Variants in PLPP6 observed in about 807,000 individuals in gnomAD.
The protein encoded by PLPP6 is polyisoprenoid diphosphate/phosphate phosphohydrolase PLPP6.
PLPP6 carries 16 observed loss-of-function variants against 16.5 expected under a neutral mutation model. The observed-to-expected ratio is 0.97, with a 90% CI of 0.66 to 1.47. The LOEUF (loss-of-function observed/expected upper bound fraction) is 1.47. Among genes scored for constraint, PLPP6 ranks in the 40% most tolerant of loss-of-function variants. The probability of loss-of-function intolerance (pLI) is 0.00; values close to 1 mark genes in which losing one functional copy is unlikely to be tolerated. For synonymous variants in PLPP6, 226 were observed against 188.1 expected (o/e 1.20, Z -1.65); for missense variants, 512 against 396.6 (o/e 1.29, Z -2.47).
Position 4,662,525 on chromosome 9 carries a change from CGT to C in PLPP6, c.152_153del (p.Val51GlyfsTer233). The C allele has an allele frequency of 6.4e-7, 1 of 1,565,014 alleles. No homozygotes were observed. The highest frequency in any genetic ancestry group is 8.6e-7 in the Non-Finnish European group (1 of 1,164,900). ...CCCTGCTCAGCAGCCGCGCCACGGC[CGT>C]GGACCCCACCTGCGCCCGGCTCCGT... Reference protein sequence around the residue: ...QSLLSSRATAVDPTCARLRAS... With the variant: ...QSLLSSRATAXDPTCARLRAS... On this transcript the variant is annotated frameshift_variant, in exon 1 of 1. Transcript: ENST00000381883. LOFTEE classifies it high-confidence loss of function. This position sits in a 1 kb window ranked among gnomAD's most constrained non-coding sequence, Gnocchi z 4.9.
rs371424929 is a variant in PLPP6 at position 4,662,606 on chromosome 9, C to G, written c.231C>G (p.Gly77=). Residue 77 remains glycine (G), a synonymous_variant, in exon 1 of 1, where the codon GGC becomes GGG. Transcript: ENST00000381883. This position sits in a 1 kb window ranked among gnomAD's most constrained non-coding sequence, Gnocchi z 4.9. ...RRGSFPLAAA[G]PSQSPAPPLP... is the part of the protein sequence containing the mutation. ...GCTCCTTCCCCCTGGCCGCGGCGGG[C>G]CCCTCGCAGTCGCCCGCGCCTCCGC... 375 of 1,594,582 alleles carry G rather than the reference C, an allele frequency of 2.4e-4. 1 individual carries two copies. Among genetic ancestry groups the G allele is most frequent in the Non-Finnish European group, 3.1e-4 (364 of 1,177,864 alleles).
At position 4,662,636 on chromosome 9, in the gene PLPP6, C is replaced by T. The variant is rs780197789; in HGVS notation, c.261C>T (p.Pro87=). 4.4e-6 allele frequency: 7 copies of T among 1,598,360 alleles called. 1 individual carries two copies. Among genetic ancestry groups the T allele is most frequent in the South Asian group, 3.3e-5 (3 of 90,968 alleles). The change falls in exon 1 of 1, where the codon CCC becomes CCT. Residue 87 remains proline (P), a synonymous_variant. Coordinates refer to ENST00000381883, the MANE Select transcript of PLPP6 (RefSeq NM_203453.5). The surrounding 1 kb of genome is among the most constrained non-coding windows in gnomAD (Gnocchi z 4.9). ...GPSQSPAPPL[P]EEDRMDLNPS... is the part of the protein sequence containing the mutation. ...CGCAGTCGCCCGCGCCTCCGCTGCC[C>T]GAGGAGGACCGCATGGACTTGAACC...
Position 4,662,553 on chromosome 9 carries a change from G to T in PLPP6, c.178G>T (p.Ala60Ser). Residue 60 changes from alanine (A) to serine (S), a missense_variant, in exon 1 of 1, where the codon GCA becomes TCA. By Grantham distance (99) the Ala-to-Ser change is moderately conservative (BLOSUM62 1). Coordinates refer to ENST00000381883, the MANE Select transcript of PLPP6 (RefSeq NM_203453.5). This position sits in a 1 kb window ranked among gnomAD's most constrained non-coding sequence, Gnocchi z 4.9. ...AVDPTCARLR[A>S]SESPVHRRGS... ...GGACCCCACCTGCGCCCGGCTCCGT[G>T]CATCGGAGAGCCCAGTTCACCGCCG... 6.3e-7 allele frequency: 1 copy of T among 1,577,884 alleles called. No individual in the cohort carries two copies. Among genetic ancestry groups the T allele is most frequent in the South Asian group, 1.1e-5 (1 of 88,112 alleles).
chr9:4,663,119 A>C lies in PLPP6; in HGVS notation c.744A>C (p.Leu248=). Residue 248 remains leucine, a synonymous_variant, in exon 1 of 1, where the codon CTA becomes CTC. Transcript: ENST00000381883. ...LVVLWAFVLG[L]SRVMLGRHNV... is the part of the protein sequence containing the mutation. ...TTCTGTGGGCCTTCGTCTTGGGCCT[A>C]TCCAGGGTCATGCTGGGGCGGCACA... The C allele has an allele frequency of 1.2e-6, 2 of 1,614,038 alleles. No homozygotes were observed. Among genetic ancestry groups the C allele is most frequent in the Non-Finnish European group, 1.7e-6 (2 of 1,180,010 alleles).
rs1840413951 is a variant in PLPP6, at chr9:4,663,762, T to C, written c.*499T>C. 1 of 167,220 alleles carries C rather than the reference T, an allele frequency of 6.0e-6. No homozygotes were observed. The highest frequency in any genetic ancestry group is 1.5e-5 in the Non-Finnish European group (1 of 68,338). 10.4% of individuals were successfully genotyped at this position (167,220 alleles called of 1,614,324 possible). A position where few individuals can be genotyped will look rare whatever the true frequency, so the allele number is the denominator to read the frequency against. On this transcript the variant is annotated 3_prime_UTR_variant, in exon 1 of 1. Transcript: ENST00000381883. ...TTAAAGTCCAAGACATAGGTTTTTC[T>C]AGTTTATTCCCTGAAGATCTGTTGC...
At position 4,663,113 on chromosome 9, in the gene PLPP6, G is replaced by C; in HGVS notation, c.738G>C (p.Leu246Phe). Reference sequence around the variant, plus strand: ...TGGTGGTTCTGTGGGCCTTCGTCTTGGGCCTATCCAGGGTCATGCTGGGGC... The same window carrying C: ...TGGTGGTTCTGTGGGCCTTCGTCTTCGGCCTATCCAGGGTCATGCTGGGGC... Reference protein sequence around the residue: ...RVLVVLWAFVLGLSRVMLGRH... With the variant: ...RVLVVLWAFVFGLSRVMLGRH... The change falls in exon 1 of 1, where the codon TTG becomes TTC. Residue 246 changes from leucine to phenylalanine, a missense_variant. Coordinates refer to ENST00000381883, the MANE Select transcript of PLPP6 (RefSeq NM_203453.5). The C allele has an allele frequency of 1.2e-6, 2 of 1,614,068 alleles. No individual in the cohort carries two copies. Among genetic ancestry groups the C allele is most frequent in the Non-Finnish European group, 1.7e-6 (2 of 1,180,018 alleles).
At position 4,662,478 on chromosome 9, in the gene PLPP6, G is replaced by A. The variant is rs1431043556; in HGVS notation, c.103G>A (p.Gly35Ser). 17 of 1,551,408 alleles carry A rather than the reference G, an allele frequency of 1.1e-5. No individual in the cohort carries two copies. Among genetic ancestry groups the A allele is most frequent in the South Asian group, 2.3e-5 (2 of 85,422 alleles). ...GSPAHGGGGG[G>S]SRFEFQSLLS... ...CCCAGCCCATGGCGGCGGTGGCGGC[G>A]GCAGCAGGTTTGAGTTCCAGTCCCT... The change falls in exon 1 of 1, where the codon GGC (glycine) becomes AGC (serine). Residue 35 changes from glycine to serine, a missense_variant. Transcript: ENST00000381883. This position sits in a 1 kb window ranked among gnomAD's most constrained non-coding sequence, Gnocchi z 4.9.
At position 4,662,937 on chromosome 9, in the gene PLPP6, C is replaced by G. The variant is rs531165522; in HGVS notation, c.562C>G (p.Arg188Gly). ...GGTGGCCTTGATCAAAGGGCTGGTC[C>G]GCAGGCGCCGCCCGGCCCACAACCA... The part of the protein sequence containing the change: ...LLVALIKGLV[R>G]RRRPAHNQMD... The change falls in exon 1 of 1, where the codon CGC becomes GGC. Residue 188 changes from arginine (R) to glycine (G), a missense_variant. Transcript: ENST00000381883. This position sits in a 1 kb window ranked among gnomAD's most constrained non-coding sequence, Gnocchi z 4.9. 6.2e-7 allele frequency: 1 copy of G among 1,611,284 alleles called. No homozygotes were observed. The highest frequency in any genetic ancestry group is 8.5e-7 in the Non-Finnish European group (1 of 1,179,922).
rs1840002521 is a variant in PLPP6, at chr9:4,662,334, G to C, written c.-42G>C. 1.4e-6 allele frequency: 2 copies of C among 1,463,600 alleles called. No homozygotes were observed. The highest frequency in any genetic ancestry group is 1.8e-6 in the Non-Finnish European group (2 of 1,114,552). The allele number at this position is 1,463,600 out of a possible 1,614,324, so 90.7% of individuals were successfully genotyped here. A position where few individuals can be genotyped will look rare whatever the true frequency, so the allele number is the denominator to read the frequency against. ...GAGGCTGCAGGGCCGGGAAGCCTCT[G>C]TTTGGTCCGGCCAGGTCCCGGGATC... On this transcript the variant is annotated 5_prime_UTR_variant, in exon 1 of 1. Coordinates refer to ENST00000381883, the MANE Select transcript of PLPP6 (RefSeq NM_203453.5). This position sits in a 1 kb window ranked among gnomAD's most constrained non-coding sequence, Gnocchi z 4.9.
rs756511327 is a variant in PLPP6, at chr9:4,662,924, C to A, written c.549C>A (p.Ile183=). Residue 183 remains isoleucine, a synonymous_variant, in exon 1 of 1, where the codon ATC becomes ATA. Coordinates refer to ENST00000381883, the MANE Select transcript of PLPP6 (RefSeq NM_203453.5). The surrounding 1 kb of genome is among the most constrained non-coding windows in gnomAD (Gnocchi z 4.9). ...LLLDLLLVAL[I]KGLVRRRRPA... ...TGGACCTGCTGCTGGTGGCCTTGAT[C>A]AAAGGGCTGGTCCGCAGGCGCCGCC... 1 of 1,610,568 alleles carries A rather than the reference C, an allele frequency of 6.2e-7. No individual in the cohort carries two copies. Among genetic ancestry groups the A allele is most frequent in the South Asian group, 1.1e-5 (1 of 91,044 alleles).
In PLPP6 at chr9:4,662,381, A is replaced by ATTG; in HGVS notation, c.6_7insTTG (p.Pro2_Ser3insLeu). On this transcript the variant is annotated inframe_insertion, in exon 1 of 1. Coordinates refer to ENST00000381883, the MANE Select transcript of PLPP6 (RefSeq NM_203453.5). This position sits in a 1 kb window ranked among gnomAD's most constrained non-coding sequence, Gnocchi z 4.9. ...GATCCGGGCCGCCAGCTGCGATGCC[A>ATTG]AGTCCCCGGAGGAGCATGGAGGGAC... 6.6e-7 allele frequency: 1 copy of ATTG among 1,517,532 alleles called. No individual in the cohort carries two copies. Among genetic ancestry groups the ATTG allele is most frequent in the Non-Finnish European group, 8.8e-7 (1 of 1,140,388 alleles). The allele number at this position is 1,517,532 out of a possible 1,614,324, so 94.0% of individuals were successfully genotyped here.
chr9:4,663,420 A>G lies in PLPP6; in HGVS notation c.*157A>G, dbSNP rs1368409455. Reference sequence around the variant, plus strand: ...TGATCTTGATGTGCTGCTAGGCTGGAGCACACACTGGCCATTACTGAACAC... The same window carrying G: ...TGATCTTGATGTGCTGCTAGGCTGGGGCACACACTGGCCATTACTGAACAC... On this transcript the variant is annotated 3_prime_UTR_variant, in exon 1 of 1. Transcript: ENST00000381883. 2.5e-6 allele frequency: 2 copies of G among 803,210 alleles called. No homozygotes were observed. The highest frequency in any genetic ancestry group is 1.8e-5 in the South Asian group (1 of 57,030). The allele number at this position is 803,210 out of a possible 1,614,324, so 49.8% of individuals were successfully genotyped here.
rs1840338615 is a variant in PLPP6 at position 4,663,410 on chromosome 9, G to A, written c.*147G>A. The A allele has an allele frequency of 9.1e-6, 8 of 874,414 alleles. No homozygotes were observed. In the South Asian group the frequency reaches 1.0e-4, roughly 11 times the overall value. 54.2% of individuals were successfully genotyped at this position (874,414 alleles called of 1,614,324 possible). On this transcript the variant is annotated 3_prime_UTR_variant, in exon 1 of 1. Transcript: ENST00000381883. Reference sequence around the variant, plus strand: ...AGGTGTCCCATGATCTTGATGTGCTGCTAGGCTGGAGCACACACTGGCCAT... The same window carrying A: ...AGGTGTCCCATGATCTTGATGTGCTACTAGGCTGGAGCACACACTGGCCAT...
In PLPP6 at chr9:4,663,096, C is replaced by G. The variant is rs754135761; in HGVS notation, c.721C>G (p.Leu241Val). 1.2e-6 allele frequency: 2 copies of G among 1,614,114 alleles called. No homozygotes were observed. Among genetic ancestry groups the G allele is most frequent in the African/African-American group, 2.7e-5 (2 of 75,028 alleles). ...CATTCCACTGAGGGTGCTGGTGGTT[C>G]TGTGGGCCTTCGTCTTGGGCCTATC... ...LAIPLRVLVVLWAFVLGLSRV... is the reference protein window; with the variant it reads ...LAIPLRVLVVVWAFVLGLSRV... The change falls in exon 1 of 1, where the codon CTG (leucine) becomes GTG (valine). Residue 241 changes from leucine (L) to valine (V), a missense_variant. Leu to Val is a conservative substitution (Grantham distance 32, BLOSUM62 1). Transcript: ENST00000381883.
At position 4,663,555 on chromosome 9, in the gene PLPP6, T is replaced by C. The variant is rs1244071772; in HGVS notation, c.*292T>C. On this transcript the variant is annotated 3_prime_UTR_variant, in exon 1 of 1. Coordinates refer to ENST00000381883, the MANE Select transcript of PLPP6 (RefSeq NM_203453.5). The stretch of plus-strand genomic sequence containing the variant: ...CAAAGAAAACAAGCTGAGGTGGTTA[T>C]ACTGTTGCTGTTAAAAGTTGGTATC... 1 of 358,686 alleles carries C rather than the reference T, an allele frequency of 2.8e-6. No individual in the cohort carries two copies. The highest frequency in any genetic ancestry group is 5.3e-6 in the Non-Finnish European group (1 of 187,304). The allele number at this position is 358,686 out of a possible 1,614,324, so 22.2% of individuals were successfully genotyped here. A position where few individuals can be genotyped will look rare whatever the true frequency, so the allele number is the denominator to read the frequency against.
At position 4,662,333 on chromosome 9, in the gene PLPP6, T is replaced by C; in HGVS notation, c.-43T>C. 6.9e-7 allele frequency: 1 copy of C among 1,459,752 alleles called. No individual in the cohort carries two copies. The highest frequency in any genetic ancestry group is 9.0e-7 in the Non-Finnish European group (1 of 1,112,952). 90.4% of individuals were successfully genotyped at this position (1,459,752 alleles called of 1,614,324 possible). On this transcript the variant is annotated 5_prime_UTR_variant, in exon 1 of 1. Transcript: ENST00000381883. The surrounding 1 kb of genome is among the most constrained non-coding windows in gnomAD (Gnocchi z 4.9). Reference sequence around the variant, plus strand: ...AGAGGCTGCAGGGCCGGGAAGCCTCTGTTTGGTCCGGCCAGGTCCCGGGAT... The same window carrying C: ...AGAGGCTGCAGGGCCGGGAAGCCTCCGTTTGGTCCGGCCAGGTCCCGGGAT...
At position 4,663,196 on chromosome 9, in the gene PLPP6, T is replaced by C. The variant is rs199526085; in HGVS notation, c.821T>C (p.Ile274Thr). ...TTTCTGGGCTACATGCAGTACAGCA[T>C]CGTGGACTATTGCTGGCTCTCACCC... ...GFFLGYMQYS[I>T]VDYCWLSPHN... The change falls in exon 1 of 1, where the codon ATC becomes ACC. Residue 274 changes from isoleucine to threonine, a missense_variant. Ile to Thr is a moderately conservative substitution (Grantham distance 89). Transcript: ENST00000381883. 5.0e-6 allele frequency: 8 copies of C among 1,614,164 alleles called. No homozygotes were observed. The highest frequency in any genetic ancestry group is 6.8e-6 in the Non-Finnish European group (8 of 1,180,028).
rs562556271 is a variant in PLPP6, at chr9:4,664,811, G to C, written c.*1548G>C. ...GAGCTTGTTCAGAGTGAGGGGCATA[G>C]TGAAAAAGGAACAGCCATGCCTCAA... is the stretch of plus-strand genomic sequence containing the variant. On this transcript the variant is annotated 3_prime_UTR_variant, in exon 1 of 1. Coordinates refer to ENST00000381883, the MANE Select transcript of PLPP6 (RefSeq NM_203453.5). 7.2e-5 allele frequency: 12 copies of C among 167,224 alleles called. No individual in the cohort carries two copies. Among genetic ancestry groups the C allele is most frequent in the African/African-American group, 2.2e-4 (9 of 41,566 alleles). 10.4% of individuals were successfully genotyped at this position (167,224 alleles called of 1,614,324 possible). A position where few individuals can be genotyped will look rare whatever the true frequency, so the allele number is the denominator to read the frequency against.
At position 4,664,070 on chromosome 9, in the gene PLPP6, G is replaced by A. The variant is rs904015202; in HGVS notation, c.*807G>A. The A allele has an allele frequency of 6.0e-6, 1 of 167,134 alleles. No individual in the cohort carries two copies. The highest frequency in any genetic ancestry group is 2.4e-5 in the African/African-American group (1 of 41,472). The allele number at this position is 167,134 out of a possible 1,614,324, so 10.4% of individuals were successfully genotyped here. On this transcript the variant is annotated 3_prime_UTR_variant, in exon 1 of 1. Coordinates refer to ENST00000381883, the MANE Select transcript of PLPP6 (RefSeq NM_203453.5). Reference sequence around the variant, plus strand: ...AAGATGCTCATAGAAGAGGAAGAATGGGACATGGCCCCATGCTTATTTTTG... The same window carrying A: ...AAGATGCTCATAGAAGAGGAAGAATAGGACATGGCCCCATGCTTATTTTTG...
Sources: allele counts gnomAD v4.1 joint callset, GRCh38; gene constraint gnomAD v4.1.1; non-coding constraint Gnocchi (gnomAD v3.1); transcripts MANE v1.5; gene names NCBI Gene and HGNC (gene_info 2026-07-23, HGNC 2026-07-21).